The following DNAH5 variants were observed in gnomAD, a reference collection of about 807,000 sequenced individuals.
DNAH5 encodes the protein dynein axonemal heavy chain 5, also known as axonemal beta dynein heavy chain 5.
DNAH5 carries 372 observed loss-of-function variants against 518.2 expected under a neutral mutation model. The ratio of observed to expected loss-of-function variants is 0.72; its 90% CI spans 0.66 to 0.78. DNAH5 has a LOEUF of 0.78. Ranked by LOEUF, DNAH5 falls within the 30% of genes least tolerant of loss-of-function variation. The probability of loss-of-function intolerance (pLI) is 0.00; values close to 1 mark genes in which losing one functional copy is unlikely to be tolerated. For synonymous variants in DNAH5, 2,039 were observed against 2,025.9 expected (o/e 1.01, Z -0.17); for missense variants, 5,523 against 5,687.0 (o/e 0.97, Z 0.93).
chr5:13,770,808 A>C lies in DNAH5; in HGVS notation c.9546T>G (p.Ile3182Met), dbSNP rs761116750. 15 of 1,614,082 alleles carry C rather than the reference A, an allele frequency of 9.3e-6. No individual in the cohort carries two copies. The highest frequency in any genetic ancestry group is 1.7e-4 in the Middle Eastern group (1 of 6,060). ...CTCCATATATGAACTTATAGCCCTG[A>C]ATAAAGGAGAGGTATGATTTGGGCG... ...HVTPKSYLSF[I>M]QGYKFIYGEK... The change falls in exon 56 of 79, where the codon ATT becomes ATG. Residue 3182 changes from isoleucine to methionine, a missense_variant. Physicochemically the swap from Ile to Met is conservative, Grantham distance 10. Coordinates refer to ENST00000265104, the MANE Select transcript of DNAH5 (RefSeq NM_001369.3).
At chr5:13,945,667 G>A (rs904149080), upstream of DNAH5, among the ~76,000 whole-genome samples, 3 of 151,770 alleles carry the variant, frequency 2.0e-5, no homozygotes, top group African/African-American at 4.8e-5. Flanking sequence ...GTGCAGTTGC[G>A]TGACCACCAC....
intron 15 of DNAH5, among the ~76,000 whole-genome samples, chr5:13,895,397 A>G (rs1773772318): frequency 6.6e-6 from 1 of 152,188 alleles, no homozygotes; most frequent in Admixed American, 6.5e-5. Flanking sequence ...GAGAAAATCT[A>G]AGGCCAAGTA....
intron 35 of DNAH5, among the ~76,000 whole-genome samples, chr5:13,834,676 C>A (rs1429101187): frequency 3.3e-5 from 5 of 152,130 alleles, no homozygotes; most frequent in Non-Finnish European, 5.9e-5. Context: ...GCAAGCTATG[C>A]CACTATTGAA....
At chr5:13,770,362 T>A (rs1038505504) in intron 56 of DNAH5, among the ~76,000 whole-genome samples, 26 of 152,158 alleles carry the variant, frequency 1.7e-4, no homozygotes, top group Non-Finnish European at 2.9e-4. Context: ...GATGTCTGCA[T>A]TCGCAACTCC....
chr5:13,778,590 G>GAA (rs755814522), intron 53 of DNAH5, among the ~76,000 whole-genome samples: 5 of 58,328 alleles, frequency 8.6e-5, no homozygotes, highest in African/African-American at 1.8e-4. Context: ...AAGAAAGAAA[G>GAA]AAAGAAAGAG....
At chr5:13,779,425 A>T (rs968314723) in intron 53 of DNAH5, among the ~76,000 whole-genome samples, 1 of 152,214 alleles carries the variant, frequency 6.6e-6, no homozygotes, top group African/African-American at 2.4e-5. Context: ...TTCAGCCTTC[A>T]TCCTAGCAGG....
chr5:13,746,042 CATAAAA>C (rs1227886078), intron 65 of DNAH5, among the ~76,000 whole-genome samples: 2 of 151,980 alleles, frequency 1.3e-5, no homozygotes, highest in African/African-American at 2.4e-5. Flanking sequence ...TATAAGACAA[CATAAAA>C]ATAGTTTTCA....
At chr5:13,745,777 G>A (rs1394987638) in intron 65 of DNAH5, among the ~76,000 whole-genome samples, 1 of 151,942 alleles carries the variant, frequency 6.6e-6, no homozygotes, top group Non-Finnish European at 1.5e-5. Context: ...TTCTGTTTGG[G>A]ATATCCTATC....
intron 78 of DNAH5, among the ~76,000 whole-genome samples, chr5:13,692,418 C>T (rs563653111): frequency 9.8e-5 from 15 of 152,296 alleles, no homozygotes; most frequent in African/African-American, 3.1e-4. Flanking sequence ...CTTCCTCTCT[C>T]TCCTTTGCAC....
At chr5:13,781,058 G>T in intron 52 of DNAH5, 99 bp from the exon 53 acceptor site, 2 of 1,349,438 alleles carry the variant, frequency 1.5e-6, no homozygotes, top group Non-Finnish European at 2.1e-6. Flanking sequence ...TATTATTTTG[G>T]AAGATATAGG....
At position 13,735,855 on chromosome 5, in the gene DNAH5, G is replaced by A. The variant is rs565819640; in HGVS notation, c.11533C>T (p.Arg3845Cys). The A allele has an allele frequency of 2.9e-5, 47 of 1,614,128 alleles. No individual in the cohort carries two copies. In the Admixed American group the frequency reaches 3.7e-4, roughly 13 times the overall value. Reference protein sequence around the residue: ...LVNEMYQTSLRQFLGLFDLSL... With the variant: ...LVNEMYQTSLCQFLGLFDLSL... ...AGGTCAAATAAGCCCAGAAACTGGC[G>A]AAGCGAAGTCTGATACATCTCATTA... Residue 3845 changes from arginine to cysteine, a missense_variant, in exon 67 of 79, where the codon CGC becomes TGC. By Grantham distance (180) the Arg-to-Cys change is radical. Transcript: ENST00000265104.
intron 24 of DNAH5, 71 bp downstream of exon 24, chr5:13,870,696 A>G: frequency 2.2e-6 from 3 of 1,343,520 alleles, no homozygotes; most frequent in Non-Finnish European, 3.2e-6. Flanking sequence ...CTCCAGACCC[A>G]GTCAATATTT....
intron 10 of DNAH5, 144 bp from the exon 11 acceptor site, chr5:13,914,102 C>G: frequency 9.8e-7 from 1 of 1,019,314 alleles, no homozygotes; most frequent in South Asian, 1.6e-5. Context: ...ACTCATCAGC[C>G]TGGAAAATCA....
intron 35 of DNAH5, among the ~76,000 whole-genome samples, chr5:13,835,428 G>A (rs759353098): frequency 2.0e-5 from 3 of 152,128 alleles, no homozygotes; most frequent in African/African-American, 7.2e-5. Flanking sequence ...GAGCCAGGCC[G>A]GCAAGCTTTG....
At chr5:13,989,997 G>A in intron 1 of DNAH5, among the ~76,000 whole-genome samples, 1 of 152,104 alleles carries the variant, frequency 6.6e-6, no homozygotes, top group East Asian at 1.9e-4. Flanking sequence ...CATTTTTATA[G>A]ATTAAAACAT....
chr5:13,901,196 A>G (rs1774553198), intron 14 of DNAH5, 56 bp downstream of exon 14: 1 of 1,563,234 alleles, frequency 6.4e-7, no homozygotes, highest in Admixed American at 1.7e-5. Context: ...GTCAAATGCT[A>G]GAAGAGGGGT....
chr5:13,921,960 T>G, intron 5 of DNAH5, 147 bp downstream of exon 5: 1 of 778,348 alleles, frequency 1.3e-6, no homozygotes, highest in African/African-American at 1.7e-5. Flanking sequence ...CACCACATCT[T>G]GAAGGAGCAA....
Position 13,832,798 on chromosome 5 carries a change from A to C in DNAH5, c.5883-2023T>G, listed in dbSNP as rs141345446. Among the ~76,000 whole-genome samples the C allele has an allele frequency of 2.9e-3, 446 of 152,284 alleles. 2 individuals carry two copies. Among genetic ancestry groups the C allele is most frequent in the Non-Finnish European group, 5.3e-3 (360 of 68,026 alleles). On this transcript the variant is annotated intron_variant, in intron 35 of 78. Transcript: ENST00000265104. ...TGGTCCCTCCTGTCCCAACAGCTAC[A>C]GGAATTAGAGATGCAGAATGTGACC... is the stretch of plus-strand genomic sequence containing the variant.
At chr5:13,906,167 T>C (rs529110626) in intron 12 of DNAH5, among the ~76,000 whole-genome samples, 1 of 152,318 alleles carries the variant, frequency 6.6e-6, no homozygotes, top group South Asian at 2.1e-4. Context: ...TTGCCTGATA[T>C]TACCACGGTC....
Sources: gnomAD v4.1 joint callset for allele counts (sites outside exome capture counted in the v4.1 genomes callset) on GRCh38, gnomAD v4.1.1 for gene constraint, MANE v1.5 for transcripts, NCBI Gene and HGNC (gene_info 2026-07-23, HGNC 2026-07-21) for gene names.